ERI3: variants seen among roughly 807,000 people sequenced by gnomAD.
The protein encoded by ERI3 is ERI1 exoribonuclease 3.
A neutral mutation model predicts 44.4 loss-of-function variants in ERI3; 18 were observed. The observed-to-expected ratio is 0.41, with a 90% CI of 0.28 to 0.60. The LOEUF is 0.60. ERI3 is among the 20% of genes least tolerant of loss of function. The pLI, the probability that ERI3 is intolerant of heterozygous loss-of-function variation, is 0.36. For missense variants in ERI3, 294 were observed against 435.5 expected (o/e 0.68, Z 2.89); for synonymous variants, 183 against 164.8 (o/e 1.11, Z -0.84).
At chr1:44,346,569 T>C (rs1011097204) in intron 2 of ERI3, among the ~76,000 whole-genome samples, 5 of 152,100 alleles carry the variant, frequency 3.3e-5, no homozygotes, top group South Asian at 2.1e-4. Flanking sequence ...AGACTAGAGA[T>C]GGATGGAGGG....
intron 2 of ERI3, among the ~76,000 whole-genome samples, chr1:44,352,377 G>A (rs1364506222): frequency 6.6e-6 from 1 of 152,132 alleles, no homozygotes; most frequent in African/African-American, 2.4e-5. Flanking sequence ...AGGAGTTCGA[G>A]CCCAGCATGG....
chr1:44,309,841 G>A (rs1056317434), intron 5 of ERI3, among the ~76,000 whole-genome samples: 2 of 152,010 alleles, frequency 1.3e-5, no homozygotes, highest in African/African-American at 4.8e-5. Context: ...GGGATTACAG[G>A]GGTAAGCCAC....
chr1:44,330,178 C>T (rs1445928728), intron 3 of ERI3, among the ~76,000 whole-genome samples: 3 of 152,062 alleles, frequency 2.0e-5, no homozygotes, highest in South Asian at 2.1e-4. Flanking sequence ...TTTCCTTTTC[C>T]GGCTCCCCAA....
At chr1:44,266,612 T>C (rs1254849001) in intron 7 of ERI3, among the ~76,000 whole-genome samples, 1 of 152,274 alleles carries the variant, frequency 6.6e-6, no homozygotes, top group Non-Finnish European at 1.5e-5. Context: ...GGATTTTGTC[T>C]GTTTTGCTCA....
At chr1:44,320,350 C>T (rs1646173977) in intron 3 of ERI3, among the ~76,000 whole-genome samples, 2 of 152,246 alleles carry the variant, frequency 1.3e-5, no homozygotes, top group African/African-American at 4.8e-5. Flanking sequence ...CCAGCCCAAT[C>T]GCTTAGCTAG....
intron 8 of ERI3, among the ~76,000 whole-genome samples, chr1:44,229,542 T>C (rs974462465): frequency 1.3e-5 from 2 of 152,140 alleles, no homozygotes; most frequent in Admixed American, 1.3e-4. Context: ...GAGGGAATTT[T>C]TACAAATTAG....
At chr1:44,354,055 G>A in intron 1 of ERI3, 1 of 985,410 alleles carries the variant, frequency 1.0e-6, no homozygotes, top group Non-Finnish European at 1.2e-6. Flanking sequence ...AACAAGGCAT[G>A]CTGTATATGA....
chr1:44,274,745 C>G (rs1341764250), intron 7 of ERI3, among the ~76,000 whole-genome samples: 1 of 152,214 alleles, frequency 6.6e-6, no homozygotes, highest in Admixed American at 6.5e-5. Context: ...TAGCCTCCAG[C>G]TCCCAAGACT....
chr1:44,339,872 G>A (rs1220147955), intron 2 of ERI3, among the ~76,000 whole-genome samples: 1 of 152,150 alleles, frequency 6.6e-6, no homozygotes, highest in Non-Finnish European at 1.5e-5. Flanking sequence ...CTCCCAAGGT[G>A]AAGGCAAACA....
chr1:44,322,675 G>C (rs1032407132), intron 3 of ERI3: 3 of 1,505,696 alleles, frequency 2.0e-6, no homozygotes, highest in Non-Finnish European at 2.7e-6. Context: ...TCTGAGAAAA[G>C]ACTCTCTGAG....
chr1:44,330,539 C>T (rs1314788668), intron 3 of ERI3, among the ~76,000 whole-genome samples: 1 of 152,230 alleles, frequency 6.6e-6, no homozygotes, highest in East Asian at 1.9e-4. Context: ...ACTCTCCCAA[C>T]ACCTAACAGG....
chr1:44,343,972 C>G (rs1360415129), intron 2 of ERI3, among the ~76,000 whole-genome samples: 1 of 151,994 alleles, frequency 6.6e-6, no homozygotes, highest in East Asian at 1.9e-4. Flanking sequence ...GGTGGGGTGG[C>G]TCACATCTGT....
At position 44,308,543 on chromosome 1, in the gene ERI3, G is replaced by T. The variant is rs1239053017; in HGVS notation, c.667-142C>A. On this transcript the variant is annotated intron_variant, in intron 5 of 8. Coordinates refer to ENST00000372257, the MANE Select transcript of ERI3 (RefSeq NM_024066.3). ...CTTATCCAGCCATGGCTCCACTGTG[G>T]GCTCTCAGGCTTGGCTCAGAACCAC... The T allele has an allele frequency of 4.1e-6, 3 of 726,470 alleles. No homozygotes were observed. In the African/African-American group the frequency reaches 5.2e-5, roughly 13 times the overall value. 45.0% of individuals were successfully genotyped at this position (726,470 alleles called of 1,614,324 possible).
chr1:44,342,816 T>TATATATATATATATATAA (rs1421857004), intron 2 of ERI3, among the ~76,000 whole-genome samples: 3 of 9,104 alleles, frequency 3.3e-4, no homozygotes, highest in East Asian at 3.3e-3. Context: ...CCAGCTAATA[T>TATATATATATATATATAA]ATATATATAT....
chr1:44,222,232 T>A, intron 8 of ERI3, among the ~76,000 whole-genome samples: 1 of 152,220 alleles, frequency 6.6e-6, no homozygotes. Flanking sequence ...TGTCCTGGGC[T>A]TGTGTGCTCA....
At chr1:44,239,397 G>C (rs1291700087) in intron 8 of ERI3, among the ~76,000 whole-genome samples, 1 of 152,202 alleles carries the variant, frequency 6.6e-6, no homozygotes, top group Admixed American at 6.5e-5. Context: ...GATGGGATAT[G>C]AGTGTGAATG....
At chr1:44,338,169 A>G (rs1398571549) in intron 3 of ERI3, among the ~76,000 whole-genome samples, 1 of 152,232 alleles carries the variant, frequency 6.6e-6, no homozygotes, top group Non-Finnish European at 1.5e-5. Flanking sequence ...CAGACCAACA[A>G]TGGTACTTGC....
At chr1:44,269,391 C>A (rs1406501539) in intron 7 of ERI3, among the ~76,000 whole-genome samples, 1 of 152,238 alleles carries the variant, frequency 6.6e-6, no homozygotes, top group African/African-American at 2.4e-5. Flanking sequence ...AGGACAAGGG[C>A]CTCATCTGCC....
At position 44,355,131 on chromosome 1, in the gene ERI3, GCGCGGCCCGCGCCGA is replaced by G. The variant is rs1646974559; in HGVS notation, c.-120_-106del. 2 of 1,229,076 alleles carry G rather than the reference GCGCGGCCCGCGCCGA, an allele frequency of 1.6e-6. No homozygotes were observed. The highest frequency in any genetic ancestry group is 2.0e-6 in the Non-Finnish European group (2 of 981,158). The allele number at this position is 1,229,076 out of a possible 1,614,324, so 76.1% of individuals were successfully genotyped here. A position where few individuals can be genotyped will look rare whatever the true frequency, so the allele number is the denominator to read the frequency against. On this transcript the variant is annotated 5_prime_UTR_variant, in exon 1 of 9. Coordinates refer to ENST00000372257, the MANE Select transcript of ERI3 (RefSeq NM_024066.3). The stretch of plus-strand genomic sequence containing the variant: ...CGCTCAGGGCAGTTGGCGGCGGCGG[GCGCGGCCCGCGCCGA>G]CTGCGGCGCCGGCCAGGCAGAGGCA...
Sources: gnomAD v4.1 joint callset for allele counts (sites outside exome capture counted in the v4.1 genomes callset) on GRCh38, gnomAD v4.1.1 for gene constraint, MANE v1.5 for transcripts, NCBI Gene and HGNC (gene_info 2026-07-23, HGNC 2026-07-21) for gene names.